ZFHX3: variants seen among roughly 807,000 people sequenced by gnomAD.
ZFHX3 encodes zinc finger homeobox protein 3.
In ZFHX3, 42 loss-of-function variants were observed where a neutral mutation model predicts 279.1. The observed-to-expected ratio is 0.15, with a 90% CI of 0.12 to 0.19. The LOEUF (loss-of-function observed/expected upper bound fraction) is 0.19. Among genes scored for constraint, ZFHX3 ranks in the 10% least tolerant of loss-of-function variants. The pLI is 1.00. For missense variants in ZFHX3, 4,981 were observed against 4,754.0 expected (o/e 1.05, Z -1.40); for synonymous variants, 2,293 against 1,957.8 (o/e 1.17, Z -4.52).
intron 2 of ZFHX3, among the ~76,000 whole-genome samples, chr16:73,511,164 G>C (rs1567505612): frequency 1.3e-5 from 2 of 152,142 alleles, no homozygotes; most frequent in East Asian, 1.9e-4. Context: ...TTATTATCTG[G>C]GTAAAGAGCT....
At chr16:73,236,369 A>T (rs1894636404) in intron 5 of ZFHX3, among the ~76,000 whole-genome samples, 1 of 152,218 alleles carries the variant, frequency 6.6e-6, no homozygotes, top group Non-Finnish European at 1.5e-5. Flanking sequence ...AGGCCGAGGC[A>T]GGTGGATCGC....
chr16:73,714,976 G>C (rs892648413), intron 1 of ZFHX3, among the ~76,000 whole-genome samples: 4 of 152,166 alleles, frequency 2.6e-5, no homozygotes, highest in African/African-American at 7.2e-5. Context: ...CTCTCTCTCT[G>C]AGAATCGTTC....
intron 2 of ZFHX3, among the ~76,000 whole-genome samples, chr16:73,478,313 G>C (rs888455583): frequency 1.3e-5 from 2 of 148,296 alleles, no homozygotes; most frequent in East Asian, 4.0e-4. Flanking sequence ...AAAGCCATAT[G>C]ACATGCCTGA....
In ZFHX3 at chr16:73,880,835, T is replaced by C. The variant is rs1361521437; in HGVS notation, c.-1608+10816A>G. On this transcript the variant is annotated intron_variant, in intron 1 of 17. Transcript: ENST00000641206. ...GCTTGGTGAAAAGTTTTCAGTCGGA[T>C]AGTAATCTTTCCAAAATACCTTGAA... Among the ~76,000 whole-genome samples, 3 of 152,204 alleles carry C rather than the reference T, an allele frequency of 2.0e-5. 1 individual carries two copies. The highest frequency in any genetic ancestry group is 6.3e-3 in the Middle Eastern group (2 of 316).
chr16:73,879,982 C>T (rs769678360), intron 1 of ZFHX3, among the ~76,000 whole-genome samples: 1 of 152,158 alleles, frequency 6.6e-6, no homozygotes, highest in Non-Finnish European at 1.5e-5. Context: ...CAGTCTCTAT[C>T]TGGCTTTGAT....
intron 5 of ZFHX3, among the ~76,000 whole-genome samples, chr16:73,164,567 G>T (rs982710509): frequency 6.6e-6 from 1 of 152,150 alleles, no homozygotes; most frequent in Non-Finnish European, 1.5e-5. Context: ...AGGCGCAGTG[G>T]CATATGCCTG....
intron 2 of ZFHX3, among the ~76,000 whole-genome samples, chr16:73,483,585 C>A (rs975377030): frequency 1.3e-5 from 2 of 151,870 alleles, no homozygotes; most frequent in South Asian, 2.1e-4. Flanking sequence ...CCTACCAGAC[C>A]CTGGAAGACG....
intron 3 of ZFHX3, among the ~76,000 whole-genome samples, chr16:72,899,202 A>C (rs1309706427): frequency 6.6e-6 from 1 of 152,234 alleles, no homozygotes; most frequent in Non-Finnish European, 1.5e-5. Context: ...GTCCCCACGC[A>C]AATCTCATCT....
At chr16:73,820,291 C>T (rs1039369535) in intron 1 of ZFHX3, among the ~76,000 whole-genome samples, 7 of 151,998 alleles carry the variant, frequency 4.6e-5, no homozygotes, top group Non-Finnish European at 8.8e-5. Flanking sequence ...AGGGTTTCAC[C>T]GTGTTAGCCA....
chr16:73,838,968 G>C (rs1426204731), intron 1 of ZFHX3, among the ~76,000 whole-genome samples: 3 of 152,070 alleles, frequency 2.0e-5, no homozygotes, highest in African/African-American at 7.2e-5. Flanking sequence ...GATCAAGGAA[G>C]AACCAGGATG....
At chr16:73,550,612 G>T (rs1335529158) in intron 2 of ZFHX3, among the ~76,000 whole-genome samples, 2 of 152,178 alleles carry the variant, frequency 1.3e-5, no homozygotes, top group South Asian at 2.1e-4. Flanking sequence ...ACAAATTGTG[G>T]ATGAAGTGGT....
At chr16:73,399,788 C>G (rs1265370825) in intron 3 of ZFHX3, among the ~76,000 whole-genome samples, 1 of 150,852 alleles carries the variant, frequency 6.6e-6, no homozygotes, top group Admixed American at 6.6e-5. Context: ...ACAGGGCCAT[C>G]AAAAGTGTGT....
At chr16:72,836,322 C>T (rs2037191208) in intron 4 of ZFHX3, among the ~76,000 whole-genome samples, 1 of 150,760 alleles carries the variant, frequency 6.6e-6, no homozygotes, top group Admixed American at 6.9e-5. Flanking sequence ...ACAGCCAGAC[C>T]CAGAATGTAG....
chr16:73,556,066 G>A (rs1197699942), intron 2 of ZFHX3, among the ~76,000 whole-genome samples: 2 of 152,190 alleles, frequency 1.3e-5, no homozygotes, highest in African/African-American at 2.4e-5. Flanking sequence ...GGAAGCAGCC[G>A]GAGCATTTGT....
At chr16:73,746,725 T>C (rs1171359395) in intron 1 of ZFHX3, among the ~76,000 whole-genome samples, 1 of 152,208 alleles carries the variant, frequency 6.6e-6, no homozygotes, top group Non-Finnish European at 1.5e-5. Context: ...AACCAAATTA[T>C]CCAGCAGTCT....
intron 3 of ZFHX3, among the ~76,000 whole-genome samples, chr16:73,381,319 A>G (rs897406946): frequency 6.6e-6 from 1 of 152,328 alleles, no homozygotes; most frequent in African/African-American, 2.4e-5. Flanking sequence ...AAAATATCTT[A>G]GATTCTTTTG....
chr16:73,530,810 T>C (rs541259869), intron 2 of ZFHX3, among the ~76,000 whole-genome samples: 6 of 152,210 alleles, frequency 3.9e-5, no homozygotes, highest in Non-Finnish European at 8.8e-5. Context: ...TATGAGGTCA[T>C]GCCTGCATTT....
intron 3 of ZFHX3, among the ~76,000 whole-genome samples, chr16:72,932,380 T>C (rs1418052879): frequency 1.3e-5 from 2 of 152,138 alleles, no homozygotes; most frequent in African/African-American, 2.4e-5. Flanking sequence ...GCAGCTGGAC[T>C]TGAATCACTT....
chr16:73,600,642 G>T (rs1026371509), intron 2 of ZFHX3, among the ~76,000 whole-genome samples: 1 of 151,910 alleles, frequency 6.6e-6, no homozygotes, highest in Non-Finnish European at 1.5e-5. Flanking sequence ...GAATGGTCTC[G>T]ATCTCTTGAC....
Sources: allele counts gnomAD v4.1 joint callset (sites outside exome capture counted in the v4.1 genomes callset), GRCh38; gene constraint gnomAD v4.1.1; transcripts MANE v1.5; gene names NCBI Gene and HGNC (gene_info 2026-07-23, HGNC 2026-07-21).